The following SLC25A35 variants were observed in gnomAD, a reference collection of about 807,000 sequenced individuals.
SLC25A35 encodes solute carrier family 25, member 35.
In SLC25A35, 32 loss-of-function variants were observed where a neutral mutation model predicts 30.5. That is an observed-to-expected ratio of 1.05 (90% CI 0.79 to 1.41). The LOEUF (loss-of-function observed/expected upper bound fraction) is 1.41, where lower values mean the gene tolerates loss of function less well. Among genes scored for constraint, SLC25A35 ranks in the 40% most tolerant of loss-of-function variants. SLC25A35 has a pLI of 0.00. For synonymous variants in SLC25A35, 142 were observed against 158.1 expected, an observed-to-expected ratio of 0.90 and a Z score of 0.77; for missense variants, 369 against 388.0, an observed-to-expected ratio of 0.95 and a Z score of 0.41.
chr17:8,289,158 G>A (rs1309608246), downstream of SLC25A35: 5 of 1,600,212 alleles, frequency 3.1e-6, no homozygotes, highest in African/African-American at 6.7e-5. Flanking sequence ...AATCCGGGCG[G>A]TGAGACCACG....
At chr17:8,289,266 T>C, downstream of SLC25A35, 5 of 1,613,588 alleles carry the variant, frequency 3.1e-6, no homozygotes, top group Non-Finnish European at 4.2e-6. Context: ...AGGTACCACT[T>C]TGAGGATGTT....
downstream of SLC25A35, chr17:8,289,331 T>G (rs138959557): frequency 2.5e-6 from 4 of 1,614,148 alleles, no homozygotes; most frequent in Non-Finnish European, 3.4e-6. Flanking sequence ...GCCTCTCAGT[T>G]TGGAGAACCT....
At chr17:8,291,086 C>T in intron 3 of SLC25A35, 110 bp from the exon 4 acceptor site, 1 of 1,462,668 alleles carries the variant, frequency 6.8e-7, no homozygotes, top group Non-Finnish European at 9.3e-7. Context: ...GGAGCTTCCA[C>T]TGCACCAGTT....
intron 1 of SLC25A35, among the ~76,000 whole-genome samples, chr17:8,293,614 G>A (rs1293372202): frequency 2.7e-5 from 4 of 150,002 alleles, no homozygotes; most frequent in Non-Finnish European, 4.4e-5. Context: ...TGCAGTGGCC[G>A]GATCTCAGCT....
downstream of SLC25A35, chr17:8,289,311 A>G: frequency 6.2e-7 from 1 of 1,614,028 alleles, no homozygotes; most frequent in Non-Finnish European, 8.5e-7. Flanking sequence ...GTCCATGTGG[A>G]GTCTGTTCAG....
rs373898757 is a variant in SLC25A35 at position 8,294,498 on chromosome 17, G to A, written c.310C>T (p.Arg104Cys). The A allele has an allele frequency of 1.3e-4, 210 of 1,612,996 alleles. 1 individual carries two copies. The highest frequency in any genetic ancestry group is 1.2e-3 in the South Asian group (106 of 91,024). The change falls in exon 1 of 5, where the codon CGC becomes TGC. Residue 104 changes from arginine to cysteine, a missense_variant. Coordinates refer to ENST00000577745, the MANE Select transcript of SLC25A35 (RefSeq NM_001320870.2). ...GCCATGGCCCCAGCTGCTGCGCTGC[G>A]GGCAGGACTGTGGGTGCCTTCGGCT... ...HTAEGTHSPARSAAAGAMAGV... is the reference protein window; with the variant it reads ...HTAEGTHSPACSAAAGAMAGV...
At chr17:8,293,943 C>T in intron 1 of SLC25A35, among the ~76,000 whole-genome samples, 1 of 127,116 alleles carries the variant, frequency 7.9e-6, no homozygotes, top group East Asian at 2.3e-4. Flanking sequence ...TGAGACGTAG[C>T]CTTGCTCTGT....
downstream of SLC25A35, chr17:8,288,452 T>A: frequency 2.5e-6 from 1 of 399,506 alleles, no homozygotes; most frequent in Non-Finnish European, 4.7e-6. Flanking sequence ...AATCAATCAA[T>A]CAATCAATCA....
At chr17:8,289,781 T>A (rs770915589), downstream of SLC25A35, 1 of 1,613,630 alleles carries the variant, frequency 6.2e-7, no homozygotes. Flanking sequence ...GCCTGGATGA[T>A]GTTCTGTCTC....
intron 1 of SLC25A35, among the ~76,000 whole-genome samples, chr17:8,293,598 C>T (rs1176297057): frequency 6.8e-6 from 1 of 147,954 alleles, no homozygotes; most frequent in Admixed American, 6.8e-5. Flanking sequence ...CTGGCCCAGG[C>T]TGGAGTGCAG....
intron 1 of SLC25A35, 125 bp from the exon 2 acceptor site, chr17:8,292,713 T>C: frequency 7.5e-6 from 6 of 800,664 alleles, no homozygotes; most frequent in Non-Finnish European, 1.3e-5. Flanking sequence ...ACTCTGATTA[T>C]TGTTCTTCCT....
chr17:8,289,919 A>C, downstream of SLC25A35: 1 of 1,614,070 alleles, frequency 6.2e-7, no homozygotes, highest in Non-Finnish European at 8.5e-7. Context: ...CGATCCTAAC[A>C]TCTTTGGTCC....
chr17:8,288,484 G>A, downstream of SLC25A35: 1 of 485,128 alleles, frequency 2.1e-6, no homozygotes, highest in Admixed American at 3.3e-5. Context: ...GCGGGAGCAT[G>A]CTCGTGACCA....
downstream of SLC25A35, chr17:8,289,947 G>T: frequency 3.7e-6 from 6 of 1,614,182 alleles, no homozygotes; most frequent in Non-Finnish European, 5.1e-6. Flanking sequence ...AGGCGCTGAA[G>T]CACTGCATGA....
At chr17:8,289,775 GGAT>G (rs1450975569), downstream of SLC25A35, 3 of 1,613,562 alleles carry the variant, frequency 1.9e-6, no homozygotes, top group Non-Finnish European at 2.5e-6. Context: ...CCTCAGGCCT[GGAT>G]GATGTTCTGT....
chr17:8,290,226 G>A lies in SLC25A35; in HGVS notation c.*279C>T, dbSNP rs984747984. The stretch of plus-strand genomic sequence containing the variant: ...GCAGGAGGGACTCAAGGGTGGCAGT[G>A]GTGAGTGGGAGGAAATACACTTTGG... On this transcript the variant is annotated 3_prime_UTR_variant, in exon 5 of 5. Coordinates refer to ENST00000577745, the MANE Select transcript of SLC25A35 (RefSeq NM_001320870.2). 4.2e-6 allele frequency: 6 copies of A among 1,425,418 alleles called. No homozygotes were observed. The highest frequency in any genetic ancestry group is 2.9e-5 in the African/African-American group (2 of 69,512). The allele number at this position is 1,425,418 out of a possible 1,614,324, so 88.3% of individuals were successfully genotyped here. A position where few individuals can be genotyped will look rare whatever the true frequency, so the allele number is the denominator to read the frequency against.
Position 8,291,492 on chromosome 17 carries a change from T to G in SLC25A35, c.442-7A>C. On this transcript the variant is annotated splice_polypyrimidine_tract_variant and splice_region_variant and intron_variant, in intron 2 of 4. Transcript: ENST00000577745. ...TTAGCGCCTGAAACATGCCCTAGTG[T>G]GGGGAAGACCGGGGGTGGGGTTCAG... is the stretch of plus-strand genomic sequence containing the variant. 6.2e-7 allele frequency: 1 copy of G among 1,608,512 alleles called. No homozygotes were observed. Among genetic ancestry groups the G allele is most frequent in the South Asian group, 1.1e-5 (1 of 90,372 alleles).
Position 8,291,421 on chromosome 17 carries a change from GC to G in SLC25A35, c.505del (p.Ala169LeufsTer26), listed in dbSNP as rs1406741359. 1.2e-6 allele frequency: 2 copies of G among 1,614,080 alleles called. No homozygotes were observed. The highest frequency in any genetic ancestry group is 2.2e-5 in the East Asian group (1 of 44,886). ...KHGLVGLWRG[A>X]LGGLPRVIVG... ...GATAACTCGGGGCAGGCCGCCCAGA[GC>G]CCCACGCCATAACCCCACCAGACCA... is the stretch of plus-strand genomic sequence containing the variant. On this transcript the variant is annotated frameshift_variant, in exon 3 of 5. Coordinates refer to ENST00000577745, the MANE Select transcript of SLC25A35 (RefSeq NM_001320870.2). LOFTEE classifies it high-confidence loss of function.
rs769174397 is a variant in SLC25A35, at chr17:8,294,710, A to G, written c.98T>C (p.Leu33Pro). Residue 33 changes from leucine to proline, a missense_variant, in exon 1 of 5, where the codon CTG becomes CCG. Leu to Pro is a moderately conservative substitution (Grantham distance 98). Coordinates refer to ENST00000577745, the MANE Select transcript of SLC25A35 (RefSeq NM_001320870.2). ...VKTRMQLQGE[L>P]QAPGTYQRHY... ...CCGCTGGTATGTGCCAGGGGCCTGC[A>G]GTTCTCCTTGCAACTGCATCCTGGT... 1.2e-6 allele frequency: 2 copies of G among 1,614,208 alleles called. No individual in the cohort carries two copies. Among genetic ancestry groups the G allele is most frequent in the Non-Finnish European group, 1.7e-6 (2 of 1,180,046 alleles).
Sources: gnomAD v4.1 joint callset for allele counts (sites outside exome capture counted in the v4.1 genomes callset) on GRCh38, gnomAD v4.1.1 for gene constraint, MANE v1.5 for transcripts, NCBI Gene and HGNC (gene_info 2026-07-23, HGNC 2026-07-21) for gene names.